Variants in USP48 observed in about 807,000 individuals in gnomAD.
The protein encoded by USP48 is ubiquitin carboxyl-terminal hydrolase 48.
USP48 carries 43 observed loss-of-function variants against 150.7 expected under a neutral mutation model. The observed-to-expected ratio is 0.29, with a 90% confidence interval of 0.22 to 0.37. The LOEUF (loss-of-function observed/expected upper bound fraction) is 0.37, where lower values mean the gene tolerates loss of function less well. Among genes scored for constraint, USP48 ranks in the 10% least tolerant of loss-of-function variants. The pLI, the probability that USP48 is intolerant of heterozygous loss-of-function variation, is 1.00. For missense variants in USP48, 813 were observed against 1,249.6 expected (o/e 0.65, Z 5.27); for synonymous variants, 396 against 425.9 (o/e 0.93, Z 0.86).
At chr1:21,777,676 G>C (rs1027070636) in intron 1 of USP48, among the ~76,000 whole-genome samples, 2 of 151,918 alleles carry the variant, frequency 1.3e-5, no homozygotes, top group Non-Finnish European at 2.9e-5. Context: ...TCACTGATAA[G>C]AATAAGAAGG....
At chr1:21,711,072 C>A (rs2097688880) in intron 15 of USP48, among the ~76,000 whole-genome samples, 1 of 151,790 alleles carries the variant, frequency 6.6e-6, no homozygotes, top group Non-Finnish European at 1.5e-5. Context: ...AGATGTGAAC[C>A]ACCACACCAA....
At chr1:21,779,987 A>G (rs78393817) in intron 1 of USP48, among the ~76,000 whole-genome samples, 79 of 152,306 alleles carry the variant, frequency 5.2e-4, no homozygotes, top group African/African-American at 1.9e-3. Flanking sequence ...AATCGGTACA[A>G]CCACTGTGGA....
intron 15 of USP48, 186 bp from the exon 16 acceptor site, chr1:21,707,054 T>A: frequency 2.7e-6 from 2 of 742,292 alleles, no homozygotes; most frequent in Non-Finnish European, 4.2e-6. Context: ...ATTTTAATTC[T>A]AAAGGAGGTA....
rs1185016388 is a variant in USP48 at position 21,678,901 on chromosome 1, G to A, written c.*516C>T. 4.4e-5 allele frequency: 8 copies of A among 180,790 alleles called. No homozygotes were observed. Among genetic ancestry groups the A allele is most frequent in the Non-Finnish European group, 9.1e-5 (8 of 87,870 alleles). 11.2% of individuals were successfully genotyped at this position (180,790 alleles called of 1,614,324 possible). ...TCTGAAGACACTTTTCCACACTTAG[G>A]ACAAGTTCTTCACTTTCATGCTTTA... is the stretch of plus-strand genomic sequence containing the variant. On this transcript the variant is annotated 3_prime_UTR_variant, in exon 27 of 27. Coordinates refer to ENST00000308271, the MANE Select transcript of USP48 (RefSeq NM_032236.8).
intron 23 of USP48, among the ~76,000 whole-genome samples, chr1:21,692,044 C>T (rs565614175): frequency 3.9e-5 from 6 of 152,136 alleles, no homozygotes; most frequent in African/African-American, 1.4e-4. Context: ...GCTTGACAGG[C>T]CAGTGTGATG....
intron 9 of USP48, among the ~76,000 whole-genome samples, chr1:21,733,065 A>G (rs946921707): frequency 6.6e-6 from 1 of 152,202 alleles, no homozygotes; most frequent in Admixed American, 6.5e-5. Context: ...TGTCACAGGG[A>G]ATTAAAATAC....
At chr1:21,696,745 A>T (rs4654765) in intron 22 of USP48, among the ~76,000 whole-genome samples, 68,272 of 151,864 alleles carry the variant, frequency 0.45, 15,949 homozygotes, top group East Asian at 0.66. Context: ...TGCATGATAC[A>T]TGCGGTACCA....
intron 19 of USP48, among the ~76,000 whole-genome samples, chr1:21,704,888 C>A (rs574644210): frequency 6.6e-6 from 1 of 152,144 alleles, no homozygotes; most frequent in Admixed American, 6.6e-5. Context: ...TGAATGGTAA[C>A]ACACATTTGC....
chr1:21,710,041 ATT>A (rs1341297699), intron 15 of USP48, among the ~76,000 whole-genome samples: 1 of 152,186 alleles, frequency 6.6e-6, no homozygotes, highest in Non-Finnish European at 1.5e-5. Context: ...ATACTTGAAT[ATT>A]GTCTATGACC....
rs139230720 is a variant in USP48, at chr1:21,710,379, G to A, written c.1964-3511C>T. ...AGTTCAAACTGTATATAATACTTTG[G>A]GCCTCAGGACATCTCAAGAAGTACT... On this transcript the variant is annotated intron_variant, in intron 15 of 26. Transcript: ENST00000308271. Among the ~76,000 whole-genome samples, 7 of 152,088 alleles carry A rather than the reference G, an allele frequency of 4.6e-5. No individual in the cohort carries two copies. In the East Asian group the frequency reaches 1.4e-3, roughly 29 times the overall value.
chr1:21,767,500 T>C (rs1363941288), intron 1 of USP48, among the ~76,000 whole-genome samples: 1 of 151,972 alleles, frequency 6.6e-6, no homozygotes, highest in Admixed American at 6.6e-5. Flanking sequence ...AATTTTTGTA[T>C]TTTTAGTAGA....
At chr1:21,722,695 CTT>C (rs1391695977) in intron 12 of USP48, among the ~76,000 whole-genome samples, 1 of 151,738 alleles carries the variant, frequency 6.6e-6, no homozygotes, top group African/African-American at 2.4e-5. Context: ...AAATACAAAA[CTT>C]AACCAGGCAT....
At chr1:21,738,486 A>G (rs2097773807) in intron 8 of USP48, among the ~76,000 whole-genome samples, 1 of 151,170 alleles carries the variant, frequency 6.6e-6, no homozygotes, top group African/African-American at 2.4e-5. Flanking sequence ...CCTCCCAAGT[A>G]GCTGAGATTA....
chr1:21,741,952 G>A (rs756003299), intron 8 of USP48, among the ~76,000 whole-genome samples: 10 of 152,140 alleles, frequency 6.6e-5, no homozygotes, highest in South Asian at 2.1e-4. Context: ...CTCCAGCCTC[G>A]GTGACAGAGC....
At chr1:21,762,626 G>GGGAGGC in intron 1 of USP48, among the ~76,000 whole-genome samples, 1 of 152,264 alleles carries the variant, frequency 6.6e-6, no homozygotes, top group East Asian at 1.9e-4. Flanking sequence ...CCAGCACTTT[G>GGGAGGC]GGAGGCGGAG....
intron 14 of USP48, among the ~76,000 whole-genome samples, chr1:21,718,129 G>A (rs1043193796): frequency 4.6e-5 from 7 of 152,120 alleles, no homozygotes; most frequent in South Asian, 4.1e-4. Flanking sequence ...AGAAATAATC[G>A]GAAAATTCTG....
chr1:21,765,540 C>T (rs1243142083), intron 1 of USP48, among the ~76,000 whole-genome samples: 1 of 151,658 alleles, frequency 6.6e-6, no homozygotes, highest in African/African-American at 2.4e-5. Flanking sequence ...TCGCTTGAAC[C>T]CGGGAGGCGG....
At chr1:21,698,471 A>C (rs536155478) in intron 22 of USP48, among the ~76,000 whole-genome samples, 1 of 152,322 alleles carries the variant, frequency 6.6e-6, no homozygotes, top group Non-Finnish European at 1.5e-5. Flanking sequence ...TGTGGTCATG[A>C]CCACAATGAA....
intron 26 of USP48, among the ~76,000 whole-genome samples, chr1:21,680,490 G>A (rs1297678305): frequency 1.3e-5 from 2 of 152,126 alleles, no homozygotes; most frequent in African/African-American, 4.8e-5. Context: ...GGAAGAACTG[G>A]GAAAAGGTTA....
Sources: gnomAD v4.1 joint callset for allele counts (sites outside exome capture counted in the v4.1 genomes callset) on GRCh38, gnomAD v4.1.1 for gene constraint, MANE v1.5 for transcripts, NCBI Gene and HGNC (gene_info 2026-07-23, HGNC 2026-07-21) for gene names.